Variants in CCDC192 observed in about 807,000 individuals in gnomAD.
The protein encoded by CCDC192 is coiled-coil domain-containing protein 192.
intron 6 of CCDC192, among the ~76,000 whole-genome samples, chr5:127,909,029 C>T (rs1753274099): frequency 6.6e-6 from 1 of 151,800 alleles, no homozygotes; most frequent in Non-Finnish European, 1.5e-5. Context: ...GAGAATTGGC[C>T]CTAGATTACA....
intron 6 of CCDC192, among the ~76,000 whole-genome samples, chr5:127,894,188 T>A (rs1424092808): frequency 3.4e-5 from 2 of 58,416 alleles, no homozygotes; most frequent in African/African-American, 8.3e-5. Flanking sequence ...TCCTATCTAA[T>A]TTTTTTTTTT....
intron 6 of CCDC192, among the ~76,000 whole-genome samples, chr5:127,906,320 G>A (rs1753192437): frequency 6.6e-6 from 1 of 152,122 alleles, no homozygotes; most frequent in African/African-American, 2.4e-5. Flanking sequence ...GAAATGTTAA[G>A]GTACATCCAT....
chr5:127,732,542 G>A (rs774518378), intron 2 of CCDC192, among the ~76,000 whole-genome samples: 5 of 151,972 alleles, frequency 3.3e-5, no homozygotes, highest in Admixed American at 2.0e-4. Flanking sequence ...ATATATGCAC[G>A]CATATGTTCA....
At chr5:127,714,256 G>A (rs958406032) in intron 2 of CCDC192, among the ~76,000 whole-genome samples, 26 of 152,206 alleles carry the variant, frequency 1.7e-4, no homozygotes, top group Non-Finnish European at 2.5e-4. Context: ...TGGACACTTA[G>A]TTGGAGTTCA....
intron 5 of CCDC192, among the ~76,000 whole-genome samples, chr5:127,842,483 G>A (rs1489808799): frequency 6.6e-6 from 1 of 152,160 alleles, no homozygotes; most frequent in Non-Finnish European, 1.5e-5. Context: ...CTTCCAAAGT[G>A]CTGGGATTAC....
intron 6 of CCDC192, among the ~76,000 whole-genome samples, chr5:127,885,947 C>T (rs888021318): frequency 6.6e-6 from 1 of 152,078 alleles, no homozygotes; most frequent in Admixed American, 6.6e-5. Flanking sequence ...TGCCAAAGAA[C>T]ATATGATTAA....
chr5:127,753,705 A>G (rs989493833), intron 2 of CCDC192, among the ~76,000 whole-genome samples: 33 of 151,868 alleles, frequency 2.2e-4, no homozygotes, highest in South Asian at 6.2e-4. Context: ...AAAAAAAAAA[A>G]AGAGAAAAAA....
intron 3 of CCDC192, among the ~76,000 whole-genome samples, chr5:127,765,606 G>A (rs1482858732): frequency 2.6e-5 from 4 of 152,220 alleles, no homozygotes; most frequent in Non-Finnish European, 5.9e-5. Context: ...TCTGTAGAGT[G>A]TAATTCAAGG....
chr5:127,749,949 C>G (rs1454366493), intron 2 of CCDC192, among the ~76,000 whole-genome samples: 1 of 151,874 alleles, frequency 6.6e-6, no homozygotes, highest in Non-Finnish European at 1.5e-5. Flanking sequence ...TCTGTGGGAT[C>G]GGTGGTGATA....
Position 127,744,899 on chromosome 5 carries a change from A to C in CCDC192, c.115-9369A>C, listed in dbSNP as rs539016215. ...TTCCATCACTCAACCTCGTGACCAC[A>C]TTCTTGCCCTCATCTGCACATCTGG... On this transcript the variant is annotated intron_variant, in intron 2 of 6. Coordinates refer to ENST00000514853, the MANE Select transcript of CCDC192 (RefSeq NM_001317938.2). Among the ~76,000 whole-genome samples, 6 of 152,310 alleles carry C rather than the reference A, an allele frequency of 3.9e-5. No homozygotes were observed. The South Asian group carries it at 1.0e-3, about 26-fold the overall frequency.
intron 1 of CCDC192, among the ~76,000 whole-genome samples, chr5:127,703,774 C>A (rs1455039502): frequency 6.6e-6 from 1 of 152,108 alleles, no homozygotes; most frequent in Non-Finnish European, 1.5e-5. Context: ...AAAAATCACA[C>A]ACTCACCCAC....
At chr5:127,919,073 ATGTGTGTG>A (rs70997353) in intron 6 of CCDC192, among the ~76,000 whole-genome samples, 28 of 137,424 alleles carry the variant, frequency 2.0e-4, no homozygotes, top group African/African-American at 6.6e-4. Flanking sequence ...GTGTGTATAT[ATGTGTGTG>A]TGTGTGTGTG....
chr5:127,938,141 T>A (rs574646125), intron 6 of CCDC192, among the ~76,000 whole-genome samples: 47 of 152,140 alleles, frequency 3.1e-4, no homozygotes, highest in Non-Finnish European at 5.6e-4. Context: ...AATCAGTTTC[T>A]TATGTAGTTT....
At chr5:127,881,127 T>G (rs1752336124) in intron 6 of CCDC192, among the ~76,000 whole-genome samples, 1 of 152,152 alleles carries the variant, frequency 6.6e-6, no homozygotes, top group Admixed American at 6.5e-5. Flanking sequence ...GTGGTATAAT[T>G]TCAGACCCCA....
At chr5:127,912,590 G>A (rs1036511395) in intron 6 of CCDC192, among the ~76,000 whole-genome samples, 1 of 152,060 alleles carries the variant, frequency 6.6e-6, no homozygotes, top group Non-Finnish European at 1.5e-5. Context: ...GAGGTTTCTC[G>A]GCAAGGGAGG....
rs567725985 is a variant in CCDC192 at position 127,888,631 on chromosome 5, G to A, written c.535+12970G>A. Among the ~76,000 whole-genome samples the A allele has an allele frequency of 1.2e-4, 18 of 152,138 alleles. 1 individual carries two copies. The South Asian group carries it at 3.3e-3, about 28-fold the overall frequency. On this transcript the variant is annotated intron_variant, in intron 6 of 6. Coordinates refer to ENST00000514853, the MANE Select transcript of CCDC192 (RefSeq NM_001317938.2). The stretch of plus-strand genomic sequence containing the variant: ...ATGGATGTTAACCACTAAGTGTCAT[G>A]TAGTCATAGAAGCAAAAGTTAGAAT...
At chr5:127,738,118 C>G (rs1315138862) in intron 2 of CCDC192, among the ~76,000 whole-genome samples, 3 of 151,756 alleles carry the variant, frequency 2.0e-5, no homozygotes, top group East Asian at 3.9e-4. Context: ...TCTTGTAAGG[C>G]AGGCCTGGTG....
At chr5:127,798,824 C>T (rs1020328645) in intron 5 of CCDC192, among the ~76,000 whole-genome samples, 1 of 151,938 alleles carries the variant, frequency 6.6e-6, no homozygotes, top group Non-Finnish European at 1.5e-5. Context: ...TGCCCATTTT[C>T]TCCTGCAAGT....
chr5:127,807,209 T>A (rs751296960), intron 5 of CCDC192, among the ~76,000 whole-genome samples: 4 of 152,344 alleles, frequency 2.6e-5, no homozygotes, highest in Non-Finnish European at 5.9e-5. Flanking sequence ...AGTTATCCCT[T>A]ACAGTAACTG....
Sources: allele counts gnomAD v4.1 joint callset (sites outside exome capture counted in the v4.1 genomes callset), GRCh38; gene constraint gnomAD v4.1.1; transcripts MANE v1.5; gene names NCBI Gene and HGNC (gene_info 2026-07-23, HGNC 2026-07-21).